CDH17: variants seen among roughly 807,000 people sequenced by gnomAD.
The protein encoded by CDH17 is cadherin 17, also known as cadherin-17.
Under a neutral mutation model 86.3 loss-of-function variants are expected in CDH17, and 67 were observed. The observed-to-expected ratio is 0.78, with a 90% CI of 0.64 to 0.95. The LOEUF is 0.95. Among genes scored for constraint, CDH17 ranks in the 40% least tolerant of loss-of-function variants. The pLI, the probability that CDH17 is intolerant of heterozygous loss-of-function variation, is 0.00. For missense variants in CDH17, 993 were observed against 1,017.6 expected, an observed-to-expected ratio of 0.98 and a Z score of 0.33; for synonymous variants, 367 against 366.4, an observed-to-expected ratio of 1.00 and a Z score of -0.02.
chr8:94,171,624 G>A (rs1007660599), intron 7 of CDH17, among the ~76,000 whole-genome samples: 1 of 152,064 alleles, frequency 6.6e-6, no homozygotes, highest in African/African-American at 2.4e-5. Context: ...TATTAATAAT[G>A]TTTACTGAGT....
intron 1 of CDH17, chr8:94,197,308 C>T (rs1407074951): frequency 6.6e-6 from 1 of 152,156 alleles, no homozygotes; most frequent in African/African-American, 2.4e-5. Flanking sequence ...CACTGCACTG[C>T]AGCCTGGGTG....
At chr8:94,187,220 G>A (rs958794354) in intron 3 of CDH17, among the ~76,000 whole-genome samples, 3 of 152,202 alleles carry the variant, frequency 2.0e-5, no homozygotes, top group African/African-American at 7.2e-5. Flanking sequence ...TACACAATAT[G>A]TGCAATTTTG....
At chr8:94,205,608 C>G (rs1179260735) in intron 1 of CDH17, among the ~76,000 whole-genome samples, 1 of 151,974 alleles carries the variant, frequency 6.6e-6, no homozygotes, top group East Asian at 1.9e-4. Flanking sequence ...TAACTGACAA[C>G]TGGGATGGGT....
intron 10 of CDH17, among the ~76,000 whole-genome samples, chr8:94,164,387 C>T (rs531666394): frequency 6.6e-6 from 1 of 152,284 alleles, no homozygotes; most frequent in South Asian, 2.1e-4. Context: ...CTATGTCTCC[C>T]CAGTACCTTG....
chr8:94,140,945 G>A (rs1404291505), intron 15 of CDH17, among the ~76,000 whole-genome samples: 1 of 151,624 alleles, frequency 6.6e-6, no homozygotes, highest in Non-Finnish European at 1.5e-5. Flanking sequence ...ACTTTAAGAA[G>A]AAGTAATACC....
intron 12 of CDH17, among the ~76,000 whole-genome samples, chr8:94,155,094 A>G (rs1812921584): frequency 6.6e-6 from 1 of 152,130 alleles, no homozygotes; most frequent in African/African-American, 2.4e-5. Flanking sequence ...AAATTTGTTC[A>G]AATATATAAG....
At chr8:94,184,819 T>A (rs1472284528) in intron 3 of CDH17, among the ~76,000 whole-genome samples, 1 of 152,194 alleles carries the variant, frequency 6.6e-6, no homozygotes. Context: ...CTGGCACTAG[T>A]TGAAAATCCA....
At chr8:94,131,831 C>T (rs961560084) in intron 15 of CDH17, among the ~76,000 whole-genome samples, 2 of 152,072 alleles carry the variant, frequency 1.3e-5, no homozygotes, top group African/African-American at 2.4e-5. Context: ...TCCCCCAGAC[C>T]CCCACCCCCT....
At chr8:94,216,184 C>T (rs1814191130) in intron 1 of CDH17, among the ~76,000 whole-genome samples, 1 of 152,158 alleles carries the variant, frequency 6.6e-6, no homozygotes, top group Non-Finnish European at 1.5e-5. Flanking sequence ...TTACATTGGG[C>T]CTGGTCTCAG....
At chr8:94,199,944 A>G (rs1221268231) in intron 1 of CDH17, among the ~76,000 whole-genome samples, 3 of 152,170 alleles carry the variant, frequency 2.0e-5, no homozygotes, top group African/African-American at 7.2e-5. Flanking sequence ...TCATTTTGCC[A>G]CTCACGTTTG....
intron 15 of CDH17, among the ~76,000 whole-genome samples, chr8:94,142,260 G>C (rs1041479658): frequency 6.6e-6 from 1 of 152,116 alleles, no homozygotes; most frequent in African/African-American, 2.4e-5. Flanking sequence ...AAGTCACACA[G>C]ATTTTTTGTT....
intron 12 of CDH17, among the ~76,000 whole-genome samples, chr8:94,157,132 C>T (rs1056193070): frequency 6.6e-6 from 1 of 152,120 alleles, no homozygotes; most frequent in African/African-American, 2.4e-5. Context: ...CTATAGTTGC[C>T]ACGTATGAGT....
chr8:94,185,042 C>T (rs1291716770), intron 3 of CDH17, among the ~76,000 whole-genome samples: 8 of 152,102 alleles, frequency 5.3e-5, no homozygotes, highest in Admixed American at 2.6e-4. Flanking sequence ...ATTCTTTCCA[C>T]GTACAAAGAT....
chr8:94,159,965 A>G lies in CDH17; in HGVS notation c.1551+6T>C. On this transcript the variant is annotated splice_donor_region_variant and intron_variant, in intron 12 of 17. Coordinates refer to ENST00000027335, the MANE Select transcript of CDH17 (RefSeq NM_004063.4). Reference sequence around the variant, plus strand: ...ACAAATTCTATTAAATAAATGGGCTATTTACCTTTTTAATTATGACATATC... The same window carrying G: ...ACAAATTCTATTAAATAAATGGGCTGTTTACCTTTTTAATTATGACATATC... The G allele has an allele frequency of 1.3e-6, 2 of 1,598,738 alleles. No individual in the cohort carries two copies. Among genetic ancestry groups the G allele is most frequent in the East Asian group, 4.5e-5 (2 of 44,724 alleles).
At chr8:94,144,131 G>T (rs1188183627) in intron 15 of CDH17, among the ~76,000 whole-genome samples, 1 of 152,100 alleles carries the variant, frequency 6.6e-6, no homozygotes, top group African/African-American at 2.4e-5. Context: ...CCATTTTAAG[G>T]TTATTAATTG....
intron 17 of CDH17, among the ~76,000 whole-genome samples, chr8:94,129,888 A>G (rs1812375538): frequency 6.6e-6 from 1 of 152,228 alleles, no homozygotes; most frequent in African/African-American, 2.4e-5. Flanking sequence ...AATCACGTGA[A>G]TTTTGTGTTG....
Position 94,162,154 on chromosome 8 carries a change from T to C in CDH17, c.1291A>G (p.Thr431Ala). The C allele has an allele frequency of 6.2e-7, 1 of 1,603,898 alleles. No individual in the cohort carries two copies. Among genetic ancestry groups the C allele is most frequent in the Non-Finnish European group, 8.5e-7 (1 of 1,171,262 alleles). ...TIEVSDKDFK[T>A]LCFVQINVID... is the part of the protein sequence containing the mutation. ...ACGTTGATTTGCACAAAACAAAGGG[T>C]CTTGAAATCTGAAAACCAAAGTCAT... is the stretch of plus-strand genomic sequence containing the variant. Residue 431 changes from threonine (T) to alanine (A), a missense_variant, in exon 11 of 18, where the codon ACC (threonine) becomes GCC (alanine). By Grantham distance (58) the Thr-to-Ala change is moderately conservative (BLOSUM62 0). Coordinates refer to ENST00000027335, the MANE Select transcript of CDH17 (RefSeq NM_004063.4).
At chr8:94,155,608 T>C (rs573052849) in intron 12 of CDH17, among the ~76,000 whole-genome samples, 1 of 152,136 alleles carries the variant, frequency 6.6e-6, no homozygotes, top group Non-Finnish European at 1.5e-5. Context: ...TGTGTGCAAA[T>C]GAGAAGCAGC....
chr8:94,195,586 T>C (rs971044583), intron 1 of CDH17, among the ~76,000 whole-genome samples: 3 of 152,200 alleles, frequency 2.0e-5, no homozygotes, highest in African/African-American at 7.2e-5. Context: ...TCCGATATTA[T>C]TTTTCCCTTC....
Sources: gnomAD v4.1 joint callset for allele counts (sites outside exome capture counted in the v4.1 genomes callset) on GRCh38, gnomAD v4.1.1 for gene constraint, MANE v1.5 for transcripts, NCBI Gene and HGNC (gene_info 2026-07-23, HGNC 2026-07-21) for gene names.